The following PROSER1 variants were observed in gnomAD, a reference collection of about 807,000 sequenced individuals.
PROSER1 encodes the protein proline and serine-rich protein 1.
PROSER1 carries 36 observed loss-of-function variants against 71.8 expected under a neutral mutation model. That is an observed-to-expected ratio of 0.50 (90% CI 0.38 to 0.66). The LOEUF (loss-of-function observed/expected upper bound fraction) is 0.66, where lower values mean the gene tolerates loss of function less well. Among genes scored for constraint, PROSER1 ranks in the 30% least tolerant of loss-of-function variants. The pLI is 0.00. For missense variants in PROSER1, 1,107 were observed against 1,135.0 expected, an observed-to-expected ratio of 0.98 and a Z score of 0.35; for synonymous variants, 490 against 452.4, an observed-to-expected ratio of 1.08 and a Z score of -1.06.
intron 8 of PROSER1, 152 bp downstream of exon 8, chr13:39,022,900 G>A: frequency 3.4e-6 from 2 of 595,218 alleles, no homozygotes; most frequent in Non-Finnish European, 6.0e-6. Context: ...TGTAGGCCAG[G>A]ACACTACTAG....
At position 39,013,424 on chromosome 13, in the gene PROSER1, C is replaced by T. The variant is rs1318772459; in HGVS notation, c.1828G>A (p.Glu610Lys). The T allele has an allele frequency of 1.2e-6, 2 of 1,614,062 alleles. No homozygotes were observed. The highest frequency in any genetic ancestry group is 3.3e-5 in the Admixed American group (2 of 60,014). Residue 610 changes from glutamate (E) to lysine (K), a missense_variant, in exon 11 of 13, where the codon GAG becomes AAG. Glu to Lys is a moderately conservative substitution (Grantham distance 56). Coordinates refer to ENST00000352251, the MANE Select transcript of PROSER1 (RefSeq NM_025138.5). ...GCCGAGGGAGTAGGACTTGTGGGCT[C>T]AGTTTTGATCATAACAGGAAGAGTT... ...ATTLPVMIKTEPTSPTPSAFK... is the reference protein window; with the variant it reads ...ATTLPVMIKTKPTSPTPSAFK...
rs1043832214 is a variant in PROSER1, at chr13:39,023,393, C to T, written c.565-263G>A. ...AATCATCTCCAATAAGGGGTTAGAT[C>T]TCATTGTAAACAGCAAACTCCTCCC... On this transcript the variant is annotated intron_variant, in intron 7 of 12. Transcript: ENST00000352251. 3.1e-5 allele frequency: 10 copies of T among 327,464 alleles called. No individual in the cohort carries two copies. The Admixed American group carries it at 4.2e-4, about 14-fold the overall frequency. The allele number at this position is 327,464 out of a possible 1,614,324, so 20.3% of individuals were successfully genotyped here.
Position 39,022,336 on chromosome 13 carries a change from A to G in PROSER1, c.720T>C (p.Pro240=). The change falls in exon 9 of 13, where the codon CCT becomes CCC. Residue 240 remains proline (P), a synonymous_variant. Coordinates refer to ENST00000352251, the MANE Select transcript of PROSER1 (RefSeq NM_025138.5). ...CAAATAACATTTTACCTGTTCCTAC[A>G]GGATTAGGAGTATATGGAGGTGGAG... The part of the protein sequence containing the change: ...APPPPPYTPN[P]VGTENEDLSN... 6.2e-7 allele frequency: 1 copy of G among 1,605,328 alleles called. No homozygotes were observed. Among genetic ancestry groups the G allele is most frequent in the Non-Finnish European group, 8.5e-7 (1 of 1,172,050 alleles).
chr13:39,028,414 C>T, intron 4 of PROSER1, 94 bp from the exon 5 acceptor site: 2 of 638,796 alleles, frequency 3.1e-6, no homozygotes, highest in Non-Finnish European at 5.6e-6. Flanking sequence ...TCTGAGTAAG[C>T]GTTCTCCATG....
chr13:39,021,890 C>T (rs900143008), intron 9 of PROSER1, among the ~76,000 whole-genome samples: 1 of 152,154 alleles, frequency 6.6e-6, no homozygotes, highest in Non-Finnish European at 1.5e-5. Flanking sequence ...ATGCCACTTG[C>T]TATAAATCAC....
rs371693769 is a variant in PROSER1, at chr13:39,013,002, C to T, written c.2250G>A (p.Gly750=). 5 of 1,614,056 alleles carry T rather than the reference C, an allele frequency of 3.1e-6. No homozygotes were observed. The highest frequency in any genetic ancestry group is 3.3e-4 in the Middle Eastern group (2 of 6,060). The change falls in exon 11 of 13, where the codon GGG becomes GGA. Residue 750 remains glycine, a synonymous_variant. Coordinates refer to ENST00000352251, the MANE Select transcript of PROSER1 (RefSeq NM_025138.5). ...CTGAGACTGGTGCTGAAGCAGAAAG[C>T]CCTGAGAGAACAGCTGCCGTTGAGC... ...HPSSTAAVLS[G]LSASAPVSAA...
At position 39,026,383 on chromosome 13, in the gene PROSER1, A is replaced by G. The variant is rs759920808; in HGVS notation, c.374T>C (p.Phe125Ser). Residue 125 changes from phenylalanine to serine, a missense_variant, in exon 6 of 13, where the codon TTC becomes TCC. Phe to Ser is a radical substitution (Grantham distance 155, BLOSUM62 -2). Coordinates refer to ENST00000352251, the MANE Select transcript of PROSER1 (RefSeq NM_025138.5). Reference protein sequence around the residue: ...KRCKRILEQAFKGGCKAPHAM... With the variant: ...KRCKRILEQASKGGCKAPHAM... Reference sequence around the variant, plus strand: ...ATGAGGAGCTTTGCAGCCCCCCTTGAAAGCCTGTAATATAAGAAAGAAGAG... The same window carrying G: ...ATGAGGAGCTTTGCAGCCCCCCTTGGAAGCCTGTAATATAAGAAAGAAGAG... 1.2e-6 allele frequency: 2 copies of G among 1,605,578 alleles called. No homozygotes were observed. Among genetic ancestry groups the G allele is most frequent in the Non-Finnish European group, 8.5e-7 (1 of 1,175,266 alleles).
intron 4 of PROSER1, 139 bp downstream of exon 4, chr13:39,029,142 A>T (rs1205912889): frequency 1.8e-6 from 1 of 544,318 alleles, no homozygotes; most frequent in East Asian, 3.3e-5. Context: ...ATACTTATTC[A>T]CATTTGGAAA....
At position 39,034,186 on chromosome 13, in the gene PROSER1, G is replaced by C; in HGVS notation, c.56C>G (p.Thr19Arg). 1 of 1,579,410 alleles carries C rather than the reference G, an allele frequency of 6.3e-7. No homozygotes were observed. The highest frequency in any genetic ancestry group is 8.6e-7 in the Non-Finnish European group (1 of 1,164,798). Reference sequence around the variant, plus strand: ...TTCAATTGCTTTTAATTTGTATTCTGTCAAAACAGCCTAAAAAAAAAAAAC... The same window carrying C: ...TTCAATTGCTTTTAATTTGTATTCTCTCAAAACAGCCTAAAAAAAAAAAAC... The part of the protein sequence containing the change: ...VLDEIRKAVL[T>R]EYKLKAIEYV... Residue 19 changes from threonine to arginine, a missense_variant, in exon 2 of 13, where the codon ACA becomes AGA. By Grantham distance (71) the Thr-to-Arg change is moderately conservative. Coordinates refer to ENST00000352251, the MANE Select transcript of PROSER1 (RefSeq NM_025138.5).
intron 5 of PROSER1, among the ~76,000 whole-genome samples, chr13:39,026,978 C>T (rs1870576222): frequency 6.6e-6 from 1 of 152,136 alleles, no homozygotes; most frequent in African/African-American, 2.4e-5. Flanking sequence ...TGATGCCGCA[C>T]ACACACTGAG....
chr13:39,012,636 G>A, intron 11 of PROSER1, 55 bp downstream of exon 11: 5 of 1,318,598 alleles, frequency 3.8e-6, no homozygotes, highest in Non-Finnish European at 5.2e-6. Flanking sequence ...AATGAAATGT[G>A]AACTACAAGT....
rs1365913331 is a variant in PROSER1, at chr13:39,037,125, T to C, written c.45+73A>G. 21 of 1,152,520 alleles carry C rather than the reference T, an allele frequency of 1.8e-5. No homozygotes were observed. The East Asian group carries it at 1.9e-4, about 10-fold the overall frequency. 71.4% of individuals were successfully genotyped at this position (1,152,520 alleles called of 1,614,324 possible). A position where few individuals can be genotyped will look rare whatever the true frequency, so the allele number is the denominator to read the frequency against. On this transcript the variant is annotated intron_variant, in intron 1 of 12. Transcript: ENST00000352251. ...GGACCCTTATTCTGCACAATCTCCA[T>C]ACAGTACCTCAAAGAGAGTCTAAAA...
Position 39,014,029 on chromosome 13 carries a change from A to G in PROSER1, c.1223T>C (p.Phe408Ser). The change falls in exon 11 of 13, where the codon TTT becomes TCT. Residue 408 changes from phenylalanine to serine, a missense_variant. Transcript: ENST00000352251. ...STSAPFTSLP[F>S]STSSSAASTS... ...AGAAGCAGCAGAAGAGCTGGTGGAAAAGGGGAGGCTAGTGAAAGGTGCAGA... is the reference window on the plus strand; with the variant it reads ...AGAAGCAGCAGAAGAGCTGGTGGAAGAGGGGAGGCTAGTGAAAGGTGCAGA... 1 of 1,614,144 alleles carries G rather than the reference A, an allele frequency of 6.2e-7. No individual in the cohort carries two copies. Among genetic ancestry groups the G allele is most frequent in the Non-Finnish European group, 8.5e-7 (1 of 1,180,026 alleles).
chr13:39,027,840 C>T (rs1334608233), intron 5 of PROSER1, among the ~76,000 whole-genome samples: 13 of 152,112 alleles, frequency 8.5e-5, no homozygotes, highest in Non-Finnish European at 1.5e-5. Flanking sequence ...AATAAACTGG[C>T]TTTAATATTG....
chr13:39,020,914 T>C (rs1012757300), intron 9 of PROSER1, among the ~76,000 whole-genome samples: 8 of 152,200 alleles, frequency 5.3e-5, no homozygotes, highest in Admixed American at 1.3e-4. Context: ...TTCCTCTCCA[T>C]GGTAGGCATA....
At chr13:39,025,657 C>G (rs1870513062) in intron 6 of PROSER1, among the ~76,000 whole-genome samples, 1 of 152,098 alleles carries the variant, frequency 6.6e-6, no homozygotes, top group African/African-American at 2.4e-5. Flanking sequence ...TTCTTGGGCT[C>G]CAATCAAATT....
chr13:39,014,449 A>C lies in PROSER1; in HGVS notation c.803T>G (p.Phe268Cys), dbSNP rs1160919114. 6.2e-7 allele frequency: 1 copy of C among 1,611,080 alleles called. No individual in the cohort carries two copies. The highest frequency in any genetic ancestry group is 1.7e-5 in the Admixed American group (1 of 59,942). Residue 268 changes from phenylalanine (F) to cysteine (C), a missense_variant, in exon 11 of 13, where the codon TTT becomes TGT. Phe to Cys is a radical substitution (Grantham distance 205, BLOSUM62 -2). Coordinates refer to ENST00000352251, the MANE Select transcript of PROSER1 (RefSeq NM_025138.5). Reference protein sequence around the residue: ...QTFSTPASQLFSPHGSNPSTP... With the variant: ...QTFSTPASQLCSPHGSNPSTP... ...TGAAGGATTAGAACCATGAGGAGAA[A>C]AGAGTTGACTTGCTGGGGTGGAAAA...
chr13:39,023,250 T>C (rs929928686), intron 7 of PROSER1, 120 bp from the exon 8 acceptor site: 2 of 690,786 alleles, frequency 2.9e-6, no homozygotes, highest in East Asian at 2.6e-5. Flanking sequence ...ATCATACTAC[T>C]GGACTACATG....
At chr13:39,036,917 G>C (rs1282380263) in intron 1 of PROSER1, among the ~76,000 whole-genome samples, 1 of 152,130 alleles carries the variant, frequency 6.6e-6, no homozygotes, top group Non-Finnish European at 1.5e-5. Flanking sequence ...AAAAAGTACA[G>C]AGCTATTACG....
Sources: allele counts gnomAD v4.1 joint callset (sites outside exome capture counted in the v4.1 genomes callset), GRCh38; gene constraint gnomAD v4.1.1; transcripts MANE v1.5; gene names NCBI Gene and HGNC (gene_info 2026-07-23, HGNC 2026-07-21).